Variants in LATS2 observed in about 807,000 individuals in gnomAD.
LATS2 encodes serine/threonine-protein kinase LATS2.
In LATS2, 24 loss-of-function variants were observed where a neutral mutation model predicts 76.0. The ratio of observed to expected loss-of-function variants is 0.32; its 90% confidence interval spans 0.23 to 0.44. LATS2 has a LOEUF of 0.44. Among genes scored for constraint, LATS2 ranks in the 20% least tolerant of loss-of-function variants. The pLI, the probability that LATS2 is intolerant of heterozygous loss-of-function variation, is 1.00. For synonymous variants in LATS2, 692 were observed against 635.4 expected, an observed-to-expected ratio of 1.09 and a Z score of -1.34; for missense variants, 1,286 against 1,481.2, an observed-to-expected ratio of 0.87 and a Z score of 2.16.
chr13:21,015,005 C>G (rs907441470), intron 2 of LATS2, among the ~76,000 whole-genome samples: 1 of 152,230 alleles, frequency 6.6e-6, no homozygotes, highest in South Asian at 2.1e-4. Flanking sequence ...AGTGCGCTCA[C>G]CGCCGTATCC....
chr13:21,054,376 C>G (rs1236689468), intron 1 of LATS2, among the ~76,000 whole-genome samples: 2 of 152,016 alleles, frequency 1.3e-5, no homozygotes, highest in African/African-American at 4.8e-5. Flanking sequence ...CCACTGCACT[C>G]CAGCCTAGGC....
Position 20,988,467 on chromosome 13 carries a change from G to C in LATS2, c.1313C>G (p.Ala438Gly). The change falls in exon 4 of 8, where the codon GCG becomes GGG. Residue 438 changes from alanine (A) to glycine (G), a missense_variant. By Grantham distance (60) the Ala-to-Gly change is moderately conservative. Around this residue, in one of 5 missense-constraint regions of LATS2, gnomAD observed 710 missense variants for 660.9 expected, o/e 1.07. Coordinates refer to ENST00000382592, the MANE Select transcript of LATS2 (RefSeq NM_014572.3). ...APNTVTAVTAAHILHPVKSVR... is the reference protein window; with the variant it reads ...APNTVTAVTAGHILHPVKSVR... Reference sequence around the variant, plus strand: ...GCTCTTCACCGGGTGCAAGATGTGCGCGGCCGTGACAGCCGTCACGGTGTT... The same window carrying C: ...GCTCTTCACCGGGTGCAAGATGTGCCCGGCCGTGACAGCCGTCACGGTGTT... The C allele has an allele frequency of 6.5e-7, 1 of 1,535,852 alleles. No individual in the cohort carries two copies. The highest frequency in any genetic ancestry group is 8.7e-7 in the Non-Finnish European group (1 of 1,147,898).
chr13:20,985,673 G>A (rs1251152051), intron 4 of LATS2, among the ~76,000 whole-genome samples: 2 of 152,104 alleles, frequency 1.3e-5, no homozygotes, highest in African/African-American at 2.4e-5. Flanking sequence ...AGAAGGCAGA[G>A]GTTGCAGTGA....
Position 21,047,042 on chromosome 13 carries a change from CA to C in LATS2, c.-204-813del, listed in dbSNP as rs368239343. 7.8e-3 allele frequency among the ~76,000 whole-genome samples: 1,191 copies of C among 152,258 alleles called. 9 individuals carry two copies. Among genetic ancestry groups the C allele is most frequent in the African/African-American group, 0.027 (1,141 of 41,546 alleles). On this transcript the variant is annotated intron_variant, in intron 1 of 7. Coordinates refer to ENST00000382592, the MANE Select transcript of LATS2 (RefSeq NM_014572.3). Reference sequence around the variant, plus strand: ...GGTAAGAGTTATTACTACAGAACTACAACTGCAGCATGGAAATGGCCTCGTT... The same window carrying C: ...GGTAAGAGTTATTACTACAGAACTACACTGCAGCATGGAAATGGCCTCGTT...
At chr13:21,044,925 G>A (rs960231396) in intron 2 of LATS2, among the ~76,000 whole-genome samples, 3 of 151,862 alleles carry the variant, frequency 2.0e-5, no homozygotes, top group Non-Finnish European at 2.9e-5. Context: ...GGGGAGTCTC[G>A]CTATGTTGTC....
intron 4 of LATS2, among the ~76,000 whole-genome samples, chr13:20,984,998 C>T (rs1870076502): frequency 6.6e-6 from 1 of 152,074 alleles, no homozygotes; most frequent in South Asian, 2.1e-4. Context: ...GAAATAAGTC[C>T]ACGTATTTAC....
chr13:20,997,832 A>C (rs1252960357), intron 2 of LATS2, among the ~76,000 whole-genome samples: 3 of 152,364 alleles, frequency 2.0e-5, no homozygotes, highest in South Asian at 2.1e-4. Context: ...TGCCATGTGA[A>C]TGCAAGTAAT....
Position 20,981,632 on chromosome 13 carries a change from C to T in LATS2, c.2499G>A (p.Gln833=), listed in dbSNP as rs745979163. ...AGAGGTCGCTGGGCTCCATGCTGTC[C>T]TGTCTGACATGGCTCCCTTCACCCA... ...KYYQKGSHVR[Q]DSMEPSDLWD... is the part of the protein sequence containing the mutation. The change falls in exon 6 of 8, where the codon CAG becomes CAA. Residue 833 remains glutamine (Q), a synonymous_variant. Transcript: ENST00000382592. 2.5e-6 allele frequency: 4 copies of T among 1,607,832 alleles called. No homozygotes were observed. The highest frequency in any genetic ancestry group is 1.7e-5 in the Admixed American group (1 of 58,222).
chr13:20,974,938 C>T lies in LATS2; in HGVS notation c.3199G>A (p.Glu1067Lys), dbSNP rs1869525128. The T allele has an allele frequency of 6.2e-7, 1 of 1,614,194 alleles. No homozygotes were observed. The highest frequency in any genetic ancestry group is 8.5e-7 in the Non-Finnish European group (1 of 1,180,038). ...KPSGAEASQA[E>K]SSDLESSDLV... is the part of the protein sequence containing the mutation. ...TCAGAGCTTTCTAAATCTGAGCTCTCAGCCTGTGAAGCTTCTGCTCCTGAA... is the reference window on the plus strand; with the variant it reads ...TCAGAGCTTTCTAAATCTGAGCTCTTAGCCTGTGAAGCTTCTGCTCCTGAA... Residue 1067 changes from glutamate (E) to lysine (K), a missense_variant, in exon 8 of 8, where the codon GAG becomes AAG. Physicochemically the swap from Glu to Lys is moderately conservative, Grantham distance 56. This residue lies in a region of LATS2 where 210 missense variants were observed against 234.9 expected (regional missense o/e 0.89). Transcript: ENST00000382592.
chr13:21,001,684 C>T (rs1418807388), intron 2 of LATS2, among the ~76,000 whole-genome samples: 2 of 152,094 alleles, frequency 1.3e-5, no homozygotes, highest in Admixed American at 1.3e-4. Flanking sequence ...AGCAGAAGAA[C>T]TGCCCAGCTG....
intron 2 of LATS2, among the ~76,000 whole-genome samples, chr13:21,001,658 C>G (rs1362167878): frequency 6.6e-6 from 1 of 152,128 alleles, no homozygotes; most frequent in African/African-American, 2.4e-5. Flanking sequence ...CATGGAACCC[C>G]AGCAGATACC....
At chr13:20,998,470 G>C (rs572838264) in intron 2 of LATS2, among the ~76,000 whole-genome samples, 1 of 152,208 alleles carries the variant, frequency 6.6e-6, no homozygotes, top group South Asian at 2.1e-4. Flanking sequence ...TGTCTCTGGC[G>C]GGATCCTGTG....
chr13:21,053,231 C>CT (rs1200333807), intron 1 of LATS2, among the ~76,000 whole-genome samples: 1 of 91,834 alleles, frequency 1.1e-5, no homozygotes, highest in African/African-American at 4.3e-5. Flanking sequence ...GAGACTCTGT[C>CT]TCAAAAAAAA....
rs199516698 is a variant in LATS2 at position 20,974,423 on chromosome 13, C to CTTT, written c.*444_*446dup. On this transcript the variant is annotated 3_prime_UTR_variant, in exon 8 of 8. Transcript: ENST00000382592. ...TCCGTGACATTGAGCAGAGTGTTAT[C>CTTT]TTTTTTTTTTTTTACATTATTGCAC... The CTTT allele has an allele frequency of 4.8e-5, 10 of 206,622 alleles. No homozygotes were observed. The highest frequency in any genetic ancestry group is 1.4e-4 in the East Asian group (2 of 13,952). The allele number at this position is 206,622 out of a possible 1,614,324, so 12.8% of individuals were successfully genotyped here.
chr13:21,036,209 T>C (rs1382881343), intron 2 of LATS2, among the ~76,000 whole-genome samples: 2 of 151,728 alleles, frequency 1.3e-5, no homozygotes. Context: ...TTTTTGTATT[T>C]TTAGTAGAGA....
chr13:21,028,794 T>A (rs1872411356), intron 2 of LATS2, among the ~76,000 whole-genome samples: 1 of 152,156 alleles, frequency 6.6e-6, no homozygotes, highest in Admixed American at 6.5e-5. Flanking sequence ...GATCTCGATC[T>A]CTTGACCTTG....
intron 2 of LATS2, among the ~76,000 whole-genome samples, chr13:21,003,761 A>G (rs1372726895): frequency 6.6e-6 from 1 of 151,818 alleles, no homozygotes; most frequent in East Asian, 1.9e-4. Flanking sequence ...TCTTTTTGGT[A>G]GAGAGAGGGT....
Position 20,991,094 on chromosome 13 carries a change from G to T in LATS2, c.475+178C>A, listed in dbSNP as rs938751233. ...CGGTCTACCACTTGGGGCTGCTCCC[G>T]CCAGGGCCTGACTCTGTCAGGGCAG... On this transcript the variant is annotated intron_variant, in intron 3 of 7. Transcript: ENST00000382592. This position sits in a 1 kb window ranked among gnomAD's most constrained non-coding sequence, Gnocchi z 4.9. Among the ~76,000 whole-genome samples, 5 of 152,234 alleles carry T rather than the reference G, an allele frequency of 3.3e-5. No homozygotes were observed. The highest frequency in any genetic ancestry group is 1.2e-4 in the African/African-American group (5 of 41,476).
intron 2 of LATS2, among the ~76,000 whole-genome samples, chr13:21,014,802 C>G (rs896468717): frequency 2.0e-5 from 3 of 152,238 alleles, no homozygotes; most frequent in Non-Finnish European, 4.4e-5. Flanking sequence ...TTTACAGATT[C>G]AACCAAATGG....
Sources: allele counts gnomAD v4.1 joint callset (sites outside exome capture counted in the v4.1 genomes callset), GRCh38; gene constraint gnomAD v4.1.1; regional missense constraint gnomAD v4.1.1; non-coding constraint Gnocchi (gnomAD v3.1); transcripts MANE v1.5; gene names NCBI Gene and HGNC (gene_info 2026-07-23, HGNC 2026-07-21).